OLA1: variants seen among roughly 807,000 people sequenced by gnomAD.
OLA1 encodes the protein Obg like ATPase 1, also known as obg-like ATPase 1.
Under a neutral mutation model 48.4 loss-of-function variants are expected in OLA1, and 14 were observed. The observed-to-expected ratio is 0.29, with a 90% CI of 0.19 to 0.45. OLA1 has a LOEUF of 0.45. OLA1 is among the 20% of genes least tolerant of loss of function. The pLI, the probability that OLA1 is intolerant of heterozygous loss-of-function variation, is 1.00. For synonymous variants in OLA1, 127 were observed against 150.4 expected, an observed-to-expected ratio of 0.84 and a Z score of 1.14; for missense variants, 325 against 467.1, an observed-to-expected ratio of 0.70 and a Z score of 2.80.
rs373201337 is a variant in OLA1, at chr2:174,118,570, T to A, written c.728+4610A>T. On this transcript the variant is annotated intron_variant, in intron 7 of 10. Transcript: ENST00000284719. ...ACAGAATCCTAAGGAACACTTAATT[T>A]TTTAAAAAGTACTTATAAACCTTTT... 2.2e-4 allele frequency among the ~76,000 whole-genome samples: 33 copies of A among 152,324 alleles called. No homozygotes were observed. In the East Asian group the frequency reaches 6.4e-3, roughly 29 times the overall value.
chr2:174,103,875 T>C (rs920393124), intron 7 of OLA1, among the ~76,000 whole-genome samples: 6 of 152,068 alleles, frequency 3.9e-5, no homozygotes, highest in Non-Finnish European at 7.4e-5. Context: ...CAAAAGGGAA[T>C]CTGGGGGTGT....
intron 4 of OLA1, among the ~76,000 whole-genome samples, chr2:174,216,921 C>A (rs1399785813): frequency 6.6e-6 from 1 of 152,064 alleles, no homozygotes; most frequent in Non-Finnish European, 1.5e-5. Flanking sequence ...ATATAACATA[C>A]AAGATGTGTG....
chr2:174,076,472 C>A (rs967506850), intron 10 of OLA1, among the ~76,000 whole-genome samples: 2 of 152,054 alleles, frequency 1.3e-5, no homozygotes, highest in Non-Finnish European at 2.9e-5. Context: ...GAGAAGAAAC[C>A]TTTGCCCAAC....
intron 7 of OLA1, among the ~76,000 whole-genome samples, chr2:174,111,242 C>T (rs1028151408): frequency 1.3e-5 from 2 of 152,042 alleles, no homozygotes; most frequent in African/African-American, 2.4e-5. Context: ...GTTTGCTCTC[C>T]GATAGGTATA....
intron 7 of OLA1, among the ~76,000 whole-genome samples, chr2:174,083,657 C>T (rs1684906958): frequency 6.6e-6 from 1 of 152,078 alleles, no homozygotes; most frequent in African/African-American, 2.4e-5. Flanking sequence ...TAAGTTACTT[C>T]ACAGACTTAC....
intron 10 of OLA1, among the ~76,000 whole-genome samples, chr2:174,077,027 T>TC (rs1353151040): frequency 6.6e-6 from 1 of 152,080 alleles, no homozygotes; most frequent in Non-Finnish European, 1.5e-5. Context: ...GTGACAGTGT[T>TC]CCTTTAAATT....
chr2:174,121,348 C>T (rs1038745594), intron 7 of OLA1, among the ~76,000 whole-genome samples: 5 of 152,064 alleles, frequency 3.3e-5, no homozygotes, highest in Admixed American at 3.3e-4. Context: ...CAGGGATGCA[C>T]AGGGGGTAGT....
chr2:174,193,768 T>C lies in OLA1; in HGVS notation c.373+29265A>G, dbSNP rs758623218. Among the ~76,000 whole-genome samples the C allele has an allele frequency of 2.9e-4, 44 of 152,300 alleles. 1 individual carries two copies. Among genetic ancestry groups the C allele is most frequent in the Non-Finnish European group, 5.1e-4 (35 of 68,018 alleles). On this transcript the variant is annotated intron_variant, in intron 4 of 10. Transcript: ENST00000284719. Reference sequence around the variant, plus strand: ...TACACCAGGAATCGCTGTCTATTCTTTTTTCCTCTCCTGTCTCTAACCCAG... The same window carrying C: ...TACACCAGGAATCGCTGTCTATTCTCTTTTCCTCTCCTGTCTCTAACCCAG...
At chr2:174,144,943 A>AT (rs1436750497) in intron 4 of OLA1, among the ~76,000 whole-genome samples, 823 of 69,148 alleles carry the variant, frequency 0.012, 4 homozygotes, top group Non-Finnish European at 0.018. Context: ...AAAAAAAAAA[A>AT]AAAAAAAAAT....
At chr2:174,210,182 T>A (rs1178458675) in intron 4 of OLA1, among the ~76,000 whole-genome samples, 1 of 152,192 alleles carries the variant, frequency 6.6e-6, no homozygotes, top group Non-Finnish European at 1.5e-5. Context: ...TTTCACTTTC[T>A]ACATTATATC....
intron 5 of OLA1, among the ~76,000 whole-genome samples, chr2:174,134,924 G>A (rs186941121): frequency 7.9e-4 from 120 of 152,316 alleles, no homozygotes; most frequent in African/African-American, 2.6e-3. Flanking sequence ...CCCTTTGGGA[G>A]GCTGAGGCCG....
intron 4 of OLA1, among the ~76,000 whole-genome samples, chr2:174,213,774 T>C (rs967865413): frequency 6.6e-6 from 1 of 152,168 alleles, no homozygotes; most frequent in African/African-American, 2.4e-5. Context: ...CTGAGCATGA[T>C]TCTGTTTACT....
At chr2:174,204,654 A>G (rs1194492588) in intron 4 of OLA1, among the ~76,000 whole-genome samples, 1 of 152,194 alleles carries the variant, frequency 6.6e-6, no homozygotes, top group East Asian at 1.9e-4. Context: ...CACCATTGAG[A>G]CAATGAAATA....
chr2:174,228,631 T>TA (rs1460476191), intron 3 of OLA1, among the ~76,000 whole-genome samples: 3 of 152,146 alleles, frequency 2.0e-5, no homozygotes, highest in African/African-American at 7.2e-5. Context: ...ATGCTTATTG[T>TA]AAAAAAATTC....
At chr2:174,176,085 CATT>C (rs1464203594) in intron 4 of OLA1, among the ~76,000 whole-genome samples, 2 of 151,956 alleles carry the variant, frequency 1.3e-5, no homozygotes, top group Non-Finnish European at 2.9e-5. Context: ...ATGATTGAAA[CATT>C]GTGTATTTTG....
intron 3 of OLA1, among the ~76,000 whole-genome samples, chr2:174,228,657 T>A (rs752654839): frequency 6.6e-6 from 1 of 152,146 alleles, no homozygotes; most frequent in African/African-American, 2.4e-5. Context: ...TAGAGGAATA[T>A]AAGAATAAAG....
chr2:174,168,567 T>C (rs1193681921), intron 4 of OLA1, among the ~76,000 whole-genome samples: 1 of 152,070 alleles, frequency 6.6e-6, no homozygotes, highest in Non-Finnish European at 1.5e-5. Context: ...TGAAAGTAGC[T>C]GAAAAAAATT....
chr2:174,144,957 T>A (rs1221030117), intron 4 of OLA1, among the ~76,000 whole-genome samples: 5,486 of 84,748 alleles, frequency 0.065, 207 homozygotes, highest in Non-Finnish European at 0.08. Context: ...AAAAAATATA[T>A]ATATATATAT....
chr2:174,155,979 T>C (rs536326131), intron 4 of OLA1, among the ~76,000 whole-genome samples: 1 of 152,312 alleles, frequency 6.6e-6, no homozygotes, highest in African/African-American at 2.4e-5. Flanking sequence ...AGTTGTTGGA[T>C]GAATTTCTCT....
Sources: gnomAD v4.1 joint callset for allele counts (sites outside exome capture counted in the v4.1 genomes callset) on GRCh38, gnomAD v4.1.1 for gene constraint, MANE v1.5 for transcripts, NCBI Gene and HGNC (gene_info 2026-07-23, HGNC 2026-07-21) for gene names.